The following KLHL29 variants were observed in gnomAD, a reference collection of about 807,000 sequenced individuals.
KLHL29 encodes the protein kelch-like protein 29.
Under a neutral mutation model 80.4 loss-of-function variants are expected in KLHL29, and 21 were observed. That is an observed-to-expected ratio of 0.26 (90% CI 0.19 to 0.38). The LOEUF (loss-of-function observed/expected upper bound fraction) is 0.38, where lower values mean the gene tolerates loss of function less well. Ranked by LOEUF, KLHL29 falls within the 10% of genes least tolerant of loss-of-function variation. KLHL29 has a pLI of 1.00. For synonymous variants in KLHL29, 511 were observed against 526.8 expected, an observed-to-expected ratio of 0.97 and a Z score of 0.41; for missense variants, 867 against 1,223.9, an observed-to-expected ratio of 0.71 and a Z score of 4.35.
Position 23,642,765 on chromosome 2 carries a change from C to G in KLHL29, c.855C>G (p.Pro285=), listed in dbSNP as rs746631873. Residue 285 remains proline, a synonymous_variant, in exon 5 of 14, where the codon CCC becomes CCG. Coordinates refer to ENST00000486442, the MANE Select transcript of KLHL29 (RefSeq NM_052920.2). ...PSGAPATNGP[P]TTDSAHGLQM... ...GTGCCCCTGCCACCAATGGGCCCCCCACAACCGACTCGGCCCACGGGCTGC... is the reference window on the plus strand; with the variant it reads ...GTGCCCCTGCCACCAATGGGCCCCCGACAACCGACTCGGCCCACGGGCTGC... 1.3e-6 allele frequency: 2 copies of G among 1,550,412 alleles called. No homozygotes were observed. Among genetic ancestry groups the G allele is most frequent in the South Asian group, 2.4e-5 (2 of 84,062 alleles).
chr2:23,425,240 G>T (rs1662975520), intron 1 of KLHL29, among the ~76,000 whole-genome samples: 1 of 152,068 alleles, frequency 6.6e-6, no homozygotes, highest in African/African-American at 2.4e-5. Context: ...ATTGTAGGGG[G>T]TTTGTGAAAT....
intron 1 of KLHL29, among the ~76,000 whole-genome samples, chr2:23,459,614 T>C (rs948558690): frequency 6.6e-6 from 1 of 152,218 alleles, no homozygotes; most frequent in Non-Finnish European, 1.5e-5. Context: ...CAAGCAAGAC[T>C]TGCATTCAGC....
chr2:23,536,679 G>A (rs1374615869), intron 2 of KLHL29, among the ~76,000 whole-genome samples: 5 of 152,122 alleles, frequency 3.3e-5, no homozygotes, highest in African/African-American at 7.2e-5. Flanking sequence ...ATCTCTCTCC[G>A]TGAAGGTTTG....
intron 1 of KLHL29, among the ~76,000 whole-genome samples, chr2:23,386,029 G>A (rs529265318): frequency 6.6e-5 from 10 of 152,170 alleles, no homozygotes; most frequent in Non-Finnish European, 1.3e-4. Context: ...CTGCCCCCGG[G>A]TGTGTATGCA....
chr2:23,629,736 A>T (rs905140683), intron 3 of KLHL29, among the ~76,000 whole-genome samples: 1 of 152,190 alleles, frequency 6.6e-6, no homozygotes, highest in Non-Finnish European at 1.5e-5. Context: ...GAAAAGGGAA[A>T]AGCAAACATA....
chr2:23,606,200 G>GA (rs56098712), intron 3 of KLHL29, among the ~76,000 whole-genome samples: 7 of 149,872 alleles, frequency 4.7e-5, no homozygotes, highest in East Asian at 3.9e-4. Flanking sequence ...GAGAGAGAGA[G>GA]GGAGAGAGAG....
At chr2:23,646,674 T>C (rs1013836501) in intron 5 of KLHL29, among the ~76,000 whole-genome samples, 1 of 152,112 alleles carries the variant, frequency 6.6e-6, no homozygotes, top group Non-Finnish European at 1.5e-5. Flanking sequence ...GTTCTCCAGC[T>C]CCTCCCTTCC....
At chr2:23,526,841 G>A (rs572187247) in intron 2 of KLHL29, among the ~76,000 whole-genome samples, 2 of 152,286 alleles carry the variant, frequency 1.3e-5, no homozygotes, top group African/African-American at 4.8e-5. Context: ...AGAAACTGAT[G>A]AACGCTGCAT....
At chr2:23,395,245 A>T (rs572555173) in intron 1 of KLHL29, among the ~76,000 whole-genome samples, 1 of 152,280 alleles carries the variant, frequency 6.6e-6, no homozygotes, top group Admixed American at 6.5e-5. Context: ...GAGAGAACCA[A>T]GTTGTGAATG....
At position 23,560,890 on chromosome 2, in the gene KLHL29, G is replaced by A. The variant is rs141934018; in HGVS notation, c.-45-1262G>A. Among the ~76,000 whole-genome samples the A allele has an allele frequency of 8.2e-3, 1,243 of 152,352 alleles. 18 individuals are homozygous for A. Among genetic ancestry groups the A allele is most frequent in the South Asian group, 0.046 (224 of 4,834 alleles). On this transcript the variant is annotated intron_variant, in intron 2 of 13. Transcript: ENST00000486442. ...TGTGCAAAGTCTGCAGTAAGAACAG[G>A]CTTTATAGATAGATATTTTTAAAAT...
intron 2 of KLHL29, among the ~76,000 whole-genome samples, chr2:23,536,086 C>G (rs1655463727): frequency 6.6e-6 from 1 of 152,120 alleles, no homozygotes; most frequent in Non-Finnish European, 1.5e-5. Flanking sequence ...AAACAGAAGC[C>G]CTCTCTGACT....
chr2:23,489,268 C>T (rs1328800224), intron 2 of KLHL29, among the ~76,000 whole-genome samples: 2 of 152,066 alleles, frequency 1.3e-5, no homozygotes, highest in African/African-American at 2.4e-5. Flanking sequence ...GGCCTACCCG[C>T]GAGCCTGGTT....
intron 1 of KLHL29, among the ~76,000 whole-genome samples, chr2:23,388,686 G>T (rs965828762): frequency 1.3e-5 from 2 of 152,036 alleles, no homozygotes; most frequent in Admixed American, 1.3e-4. Flanking sequence ...CTAGTTTAAA[G>T]TATCTCCTTC....
At chr2:23,625,802 G>A (rs979473081) in intron 3 of KLHL29, among the ~76,000 whole-genome samples, 3 of 152,192 alleles carry the variant, frequency 2.0e-5, no homozygotes, top group African/African-American at 4.8e-5. Flanking sequence ...AGATAATTAG[G>A]TTTTGATGAG....
intron 6 of KLHL29, chr2:23,691,175 G>A (rs1671573353): frequency 6.2e-6 from 1 of 160,726 alleles, no homozygotes; most frequent in Non-Finnish European, 1.4e-5. Context: ...GGGTTCTGGG[G>A]CAACTTGGGG....
chr2:23,396,700 T>C (rs116336945), intron 1 of KLHL29, among the ~76,000 whole-genome samples: 2 of 152,168 alleles, frequency 1.3e-5, no homozygotes, highest in South Asian at 2.1e-4. Flanking sequence ...AAAACTTGAA[T>C]AATATACAGA....
At chr2:23,524,115 G>A (rs142883556) in intron 2 of KLHL29, 26 of 456,572 alleles carry the variant, frequency 5.7e-5, no homozygotes, top group South Asian at 2.4e-4. Flanking sequence ...CGTAGGTAGC[G>A]GAGATGCAAG....
intron 1 of KLHL29, among the ~76,000 whole-genome samples, chr2:23,391,405 A>G (rs748109249): frequency 1.3e-5 from 2 of 152,220 alleles, no homozygotes; most frequent in Non-Finnish European, 1.5e-5. Context: ...GTCTATACCC[A>G]GAAGTGGAAT....
chr2:23,477,955 C>T (rs1199601885), intron 2 of KLHL29, among the ~76,000 whole-genome samples: 1 of 152,146 alleles, frequency 6.6e-6, no homozygotes, highest in Non-Finnish European at 1.5e-5. Flanking sequence ...TGGCACATGG[C>T]TCTTGTTCTC....
Sources: gnomAD v4.1 joint callset for allele counts (sites outside exome capture counted in the v4.1 genomes callset) on GRCh38, gnomAD v4.1.1 for gene constraint, MANE v1.5 for transcripts, NCBI Gene and HGNC (gene_info 2026-07-23, HGNC 2026-07-21) for gene names.